The following PAX5 variants were observed in gnomAD, a reference collection of about 807,000 sequenced individuals.
PAX5 encodes paired box 5.
A neutral mutation model predicts 43.7 loss-of-function variants in PAX5; 9 were observed. That is an observed-to-expected ratio of 0.21 (90% CI 0.12 to 0.36). The LOEUF (loss-of-function observed/expected upper bound fraction) is 0.36, where lower values mean the gene tolerates loss of function less well. Among genes scored for constraint, PAX5 ranks in the 10% least tolerant of loss-of-function variants. The pLI is 1.00. For missense variants in PAX5, 383 were observed against 532.7 expected, an observed-to-expected ratio of 0.72 and a Z score of 2.77; for synonymous variants, 228 against 214.3, an observed-to-expected ratio of 1.06 and a Z score of -0.56.
Position 36,836,451 on chromosome 9 carries a change from C to A in PAX5, c.*4109G>T, listed in dbSNP as rs965678803. Reference sequence around the variant, plus strand: ...AGGGGGCAATTGACAGGCATTGGGGCTCACAGGCTGGTGCCCAGTGGGTCA... The same window carrying A: ...AGGGGGCAATTGACAGGCATTGGGGATCACAGGCTGGTGCCCAGTGGGTCA... On this transcript the variant is annotated 3_prime_UTR_variant, in exon 10 of 10. Transcript: ENST00000358127. 2.1e-5 allele frequency: 5 copies of A among 233,218 alleles called. No individual in the cohort carries two copies. The South Asian group carries it at 5.4e-4, about 25-fold the overall frequency. 14.4% of individuals were successfully genotyped at this position (233,218 alleles called of 1,614,324 possible).
intron 4 of PAX5, among the ~76,000 whole-genome samples, chr9:37,004,847 C>T (rs955913028): frequency 2.6e-5 from 4 of 152,216 alleles, no homozygotes; most frequent in African/African-American, 9.6e-5. Context: ...CCAGATTCCA[C>T]TTTTGGCCCC....
intron 6 of PAX5, among the ~76,000 whole-genome samples, chr9:36,963,623 A>G (rs1341273906): frequency 6.6e-6 from 1 of 152,092 alleles, no homozygotes; most frequent in Non-Finnish European, 1.5e-5. Flanking sequence ...CAGGTGAGTG[A>G]GTGAATCCAT....
At chr9:36,947,010 G>A (rs1165159576) in intron 6 of PAX5, among the ~76,000 whole-genome samples, 2 of 152,234 alleles carry the variant, frequency 1.3e-5, no homozygotes, top group Admixed American at 1.3e-4. Flanking sequence ...AGTGAATAGT[G>A]CTGCCCCCAG....
intron 7 of PAX5, among the ~76,000 whole-genome samples, chr9:36,918,219 A>G (rs1409227725): frequency 6.6e-6 from 1 of 152,256 alleles, no homozygotes; most frequent in Non-Finnish European, 1.5e-5. Context: ...AAAAACTGAG[A>G]CAGGCCAAAA....
chr9:36,923,384 G>T lies in PAX5; in HGVS notation c.881C>A (p.Pro294Gln), dbSNP rs373844793. The change falls in exon 7 of 10, where the codon CCA (proline) becomes CAA (glutamine). Residue 294 changes from proline to glutamine, a missense_variant. Coordinates refer to ENST00000358127, the MANE Select transcript of PAX5 (RefSeq NM_016734.3). ...PTPADIGSSVPGPQSYPIVTG... is the reference protein window; with the variant it reads ...PTPADIGSSVQGPQSYPIVTG... ...CACAATGGGGTAGGACTGCGGGCCT[G>T]GCACACTGCTCCCGATGTCAGCAGG... The T allele has an allele frequency of 2.0e-5, 33 of 1,613,080 alleles. No individual in the cohort carries two copies. Among genetic ancestry groups the T allele is most frequent in the Non-Finnish European group, 2.7e-5 (32 of 1,179,990 alleles).
intron 8 of PAX5, among the ~76,000 whole-genome samples, chr9:36,879,180 C>T (rs989096504): frequency 1.3e-5 from 2 of 152,206 alleles, no homozygotes; most frequent in Admixed American, 6.5e-5. Flanking sequence ...TGCCCCTGCT[C>T]GGGCCTGTGA....
chr9:37,028,437 G>T (rs1361421151), intron 1 of PAX5, among the ~76,000 whole-genome samples: 3 of 152,202 alleles, frequency 2.0e-5, no homozygotes, highest in Non-Finnish European at 1.5e-5. Flanking sequence ...AGGCAGAGAC[G>T]TTGGGGGAAG....
chr9:36,961,829 C>A (rs1294325725), intron 6 of PAX5, among the ~76,000 whole-genome samples: 2 of 152,216 alleles, frequency 1.3e-5, no homozygotes, highest in African/African-American at 2.4e-5. Flanking sequence ...CACATACACA[C>A]GTGCACGCAC....
intron 5 of PAX5, among the ~76,000 whole-genome samples, chr9:36,998,718 T>C (rs1408079017): frequency 1.3e-5 from 2 of 152,232 alleles, no homozygotes; most frequent in African/African-American, 4.8e-5. Flanking sequence ...AGCTTTATTG[T>C]TTTGGTAGGA....
intron 6 of PAX5, among the ~76,000 whole-genome samples, chr9:36,943,960 A>G (rs1832280456): frequency 6.6e-6 from 1 of 152,146 alleles, no homozygotes; most frequent in Admixed American, 6.5e-5. Context: ...CTGAGGCAGG[A>G]GGATCACTGG....
chr9:36,968,998 T>A (rs1411431623), intron 5 of PAX5, among the ~76,000 whole-genome samples: 1 of 152,180 alleles, frequency 6.6e-6, no homozygotes, highest in African/African-American at 2.4e-5. Flanking sequence ...CTCTGCCCAG[T>A]CATCCTGGTC....
chr9:36,994,165 C>T (rs1321651359), intron 5 of PAX5, among the ~76,000 whole-genome samples: 2 of 152,168 alleles, frequency 1.3e-5, no homozygotes, highest in Non-Finnish European at 2.9e-5. Context: ...CTCAGATGCC[C>T]TGCGTTACCA....
At chr9:36,962,718 C>T (rs996971904) in intron 6 of PAX5, among the ~76,000 whole-genome samples, 1 of 152,204 alleles carries the variant, frequency 6.6e-6, no homozygotes, top group Non-Finnish European at 1.5e-5. Context: ...GCTTCCCGAC[C>T]CCAAGGCCAG....
chr9:36,873,241 T>C (rs1463881022), intron 8 of PAX5, among the ~76,000 whole-genome samples: 2 of 152,216 alleles, frequency 1.3e-5, no homozygotes, highest in African/African-American at 4.8e-5. Context: ...CACATCAGGA[T>C]TTTTTTATAT....
chr9:37,027,399 C>T (rs1840506300), intron 1 of PAX5, among the ~76,000 whole-genome samples: 2 of 152,238 alleles, frequency 1.3e-5, no homozygotes, highest in African/African-American at 4.8e-5. Flanking sequence ...GGGTGTCTAC[C>T]TCGTGCCAAC....
At chr9:36,955,770 CAA>C (rs67265503) in intron 6 of PAX5, among the ~76,000 whole-genome samples, 18,054 of 136,272 alleles carry the variant, frequency 0.13, 1,477 homozygotes, top group African/African-American at 0.23. Flanking sequence ...CTTTTTGTTT[CAA>C]AAAAAAAAAA....
At chr9:36,854,784 G>A (rs1176335136) in intron 8 of PAX5, among the ~76,000 whole-genome samples, 1 of 152,208 alleles carries the variant, frequency 6.6e-6, no homozygotes, top group African/African-American at 2.4e-5. Context: ...TCTCCCACCA[G>A]CTCAGGCCAG....
At chr9:37,010,758 G>A (rs1838855474) in intron 3 of PAX5, among the ~76,000 whole-genome samples, 1 of 152,166 alleles carries the variant, frequency 6.6e-6, no homozygotes, top group Non-Finnish European at 1.5e-5. Context: ...GCAGTAAGAA[G>A]CTTGGGCCAT....
At chr9:36,891,117 C>T (rs1025516859) in intron 7 of PAX5, among the ~76,000 whole-genome samples, 3 of 152,118 alleles carry the variant, frequency 2.0e-5, no homozygotes, top group South Asian at 4.2e-4. Context: ...CCGGCCTGGG[C>T]GACAGAGCGC....
Sources: gnomAD v4.1 joint callset for allele counts (sites outside exome capture counted in the v4.1 genomes callset) on GRCh38, gnomAD v4.1.1 for gene constraint, MANE v1.5 for transcripts, NCBI Gene and HGNC (gene_info 2026-07-23, HGNC 2026-07-21) for gene names.